Variants in CHD9 observed in about 807,000 individuals in gnomAD.
The protein encoded by CHD9 is chromodomain helicase DNA binding protein 9.
In CHD9, 77 loss-of-function variants were observed where a neutral mutation model predicts 316.1. The ratio of observed to expected loss-of-function variants is 0.24; its 90% CI spans 0.20 to 0.29. The LOEUF (loss-of-function observed/expected upper bound fraction) is 0.29. Among genes scored for constraint, CHD9 ranks in the 10% least tolerant of loss-of-function variants. The pLI, the probability that CHD9 is intolerant of heterozygous loss-of-function variation, is 1.00. For synonymous variants in CHD9, 1,129 were observed against 1,158.3 expected (o/e 0.97, Z 0.51); for missense variants, 2,763 against 3,438.1 (o/e 0.80, Z 4.91).
intron 2 of CHD9, among the ~76,000 whole-genome samples, chr16:53,198,351 G>C (rs573515292): frequency 1.4e-4 from 18 of 129,708 alleles, no homozygotes; most frequent in Non-Finnish European, 2.0e-4. Flanking sequence ...ACAGAGTCTC[G>C]CTCTATCGCC....
chr16:53,107,977 G>T (rs892569711), intron 1 of CHD9, among the ~76,000 whole-genome samples: 12 of 152,062 alleles, frequency 7.9e-5, no homozygotes, highest in Non-Finnish European at 1.6e-4. Context: ...GAAGGGAGAG[G>T]ACTACAATAA....
At chr16:53,308,392 T>C (rs1021772859) in intron 33 of CHD9, among the ~76,000 whole-genome samples, 1 of 151,894 alleles carries the variant, frequency 6.6e-6, no homozygotes, top group African/African-American at 2.4e-5. Context: ...ATAATGTACA[T>C]AGAGATGTAT....
intron 5 of CHD9, 113 bp from the exon 6 acceptor site, chr16:53,227,283 T>TATACAGC (rs1379666901): frequency 1.5e-6 from 1 of 659,522 alleles, no homozygotes; most frequent in East Asian, 3.1e-5. Context: ...GTGTCTAGCA[T>TATACAGC]ATATGCTGTA....
rs146457373 is a variant in CHD9, at chr16:53,197,720, G to C, written c.1453-11762G>C. ...CACCCAGACTGTAGTGCAGTGGTGC[G>C]ATCTCTGCGCCGCAACCTCCGTCAC... On this transcript the variant is annotated intron_variant, in intron 2 of 38. Coordinates refer to ENST00000447540, the MANE Select transcript of CHD9 (RefSeq NM_001308319.2). Among the ~76,000 whole-genome samples the C allele has an allele frequency of 5.5e-3, 829 of 150,532 alleles. 7 individuals are homozygous for C. Among genetic ancestry groups the C allele is most frequent in the African/African-American group, 0.019 (792 of 40,888 alleles).
intron 1 of CHD9, among the ~76,000 whole-genome samples, chr16:53,082,933 T>C (rs944510510): frequency 2.0e-5 from 3 of 152,224 alleles, no homozygotes; most frequent in Admixed American, 2.0e-4. Context: ...CCTGCTGAAC[T>C]GTGGTTTCCC....
At chr16:53,262,451 G>A (rs1597704845) in intron 19 of CHD9, among the ~76,000 whole-genome samples, 1 of 152,228 alleles carries the variant, frequency 6.6e-6, no homozygotes, top group South Asian at 2.1e-4. Context: ...CAGTGTTTCT[G>A]TGGTAAGGTA....
intron 18 of CHD9, among the ~76,000 whole-genome samples, 177 bp from the exon 19 acceptor site, chr16:53,255,423 A>G (rs778522580): frequency 2.6e-5 from 4 of 152,214 alleles, no homozygotes; most frequent in Non-Finnish European, 5.9e-5. Flanking sequence ...ATTTTAACAG[A>G]GCAAAGAAGA....
chr16:53,061,521 G>A (rs1173151928), intron 1 of CHD9, among the ~76,000 whole-genome samples: 1 of 152,196 alleles, frequency 6.6e-6, no homozygotes, highest in East Asian at 1.9e-4. Flanking sequence ...CCCAGTGAGA[G>A]TGAAATTAAC....
At chr16:53,254,394 C>G in intron 17 of CHD9, 44 bp from the exon 18 acceptor site, 1 of 1,422,970 alleles carries the variant, frequency 7.0e-7, no homozygotes, top group Non-Finnish European at 9.4e-7. Flanking sequence ...CTATTAAATG[C>G]CTTTTGAGAA....
chr16:53,254,697 A>G (rs908036234), intron 18 of CHD9, 92 bp downstream of exon 18: 14 of 1,155,784 alleles, frequency 1.2e-5, no homozygotes, highest in Non-Finnish European at 1.7e-5. Context: ...TGGTCCATGC[A>G]GAATACTAAA....
At chr16:53,055,132 A>G (rs2031891696) in intron 1 of CHD9, 55 bp downstream of exon 1, 1 of 152,374 alleles carries the variant, frequency 6.6e-6, no homozygotes, top group African/African-American at 2.4e-5. Context: ...CGGGGTGGAC[A>G]GCGGGGCGGC....
At chr16:53,202,054 G>A (rs756878045) in intron 2 of CHD9, among the ~76,000 whole-genome samples, 2 of 151,608 alleles carry the variant, frequency 1.3e-5, no homozygotes, top group Non-Finnish European at 2.9e-5. Context: ...AAGAGATTGT[G>A]TCTTGCTATG....
Position 53,231,730 on chromosome 16 carries a change from A to C in CHD9, c.2457A>C (p.Ala819=). 6.2e-7 allele frequency: 1 copy of C among 1,612,004 alleles called. No homozygotes were observed. Reference sequence around the variant, plus strand: ...AACTAAAAGAAGATGTAGATCTTGCAAAAATAGAAGAGTTTGAACAACTGC... The same window carrying C: ...AACTAAAAGAAGATGTAGATCTTGCCAAAATAGAAGAGTTTGAACAACTGC... ...TWELKEDVDL[A]KIEEFEQLQA... is the part of the protein sequence containing the mutation. The change falls in exon 10 of 39, where the codon GCA becomes GCC. Residue 819 remains alanine, a synonymous_variant. Transcript: ENST00000447540.
At chr16:53,210,011 T>G (rs771639396) in intron 3 of CHD9, among the ~76,000 whole-genome samples, 198 bp downstream of exon 3, 4 of 152,158 alleles carry the variant, frequency 2.6e-5, no homozygotes, top group African/African-American at 9.6e-5. Flanking sequence ...GTTCTATGAA[T>G]GTAGAATGTA....
At chr16:53,058,876 A>G (rs2032512132) in intron 1 of CHD9, among the ~76,000 whole-genome samples, 1 of 151,848 alleles carries the variant, frequency 6.6e-6, no homozygotes, top group South Asian at 2.1e-4. Context: ...TGTTGTTTTT[A>G]AGACACAGGG....
intron 2 of CHD9, among the ~76,000 whole-genome samples, chr16:53,198,606 G>C (rs566397908): frequency 6.6e-6 from 1 of 151,646 alleles, no homozygotes; most frequent in Non-Finnish European, 1.5e-5. Context: ...GATTACAGGC[G>C]TGAGCCACCA....
At chr16:53,228,083 T>G (rs1281855876) in intron 7 of CHD9, among the ~76,000 whole-genome samples, 1 of 150,434 alleles carries the variant, frequency 6.6e-6, no homozygotes, top group East Asian at 1.9e-4. Flanking sequence ...AGACTCCGTC[T>G]CAAAAAAAAA....
At chr16:53,129,040 T>G (rs1038532334) in intron 1 of CHD9, among the ~76,000 whole-genome samples, 1 of 152,188 alleles carries the variant, frequency 6.6e-6, no homozygotes, top group Non-Finnish European at 1.5e-5. Context: ...ACCAGCATCC[T>G]AGAGGCCATT....
chr16:53,154,456 A>T (rs2041359511), intron 1 of CHD9, among the ~76,000 whole-genome samples: 1 of 152,154 alleles, frequency 6.6e-6, no homozygotes, highest in African/African-American at 2.4e-5. Context: ...GGTCCCTAAT[A>T]TTAAGGAGCT....
Sources: gnomAD v4.1 joint callset for allele counts (sites outside exome capture counted in the v4.1 genomes callset) on GRCh38, gnomAD v4.1.1 for gene constraint, MANE v1.5 for transcripts, NCBI Gene and HGNC (gene_info 2026-07-23, HGNC 2026-07-21) for gene names.